The following TPR variants were observed in gnomAD, a reference collection of about 807,000 sequenced individuals.
The protein encoded by TPR is translocated promoter region, nuclear basket protein, also known as nucleoprotein TPR.
TPR carries 51 observed loss-of-function variants against 316.1 expected under a neutral mutation model. That is an observed-to-expected ratio of 0.16 (90% CI 0.13 to 0.20). The LOEUF is 0.20. TPR is among the 10% of genes least tolerant of loss of function. The pLI is 1.00. For synonymous variants in TPR, 981 were observed against 914.7 expected, an observed-to-expected ratio of 1.07 and a Z score of -1.31; for missense variants, 2,272 against 2,754.8, an observed-to-expected ratio of 0.82 and a Z score of 3.92.
chr1:186,360,534 T>C (rs1053859732), intron 10 of TPR, among the ~76,000 whole-genome samples, 170 bp from the exon 11 acceptor site: 2 of 152,036 alleles, frequency 1.3e-5, no homozygotes, highest in African/African-American at 4.8e-5. Context: ...TAAAAAATCA[T>C]GCAATAACCT....
Position 186,323,777 on chromosome 1 carries a change from C to A in TPR, c.6206G>T (p.Arg2069Leu), listed in dbSNP as rs2102054337. 2 of 1,540,832 alleles carry A rather than the reference C, an allele frequency of 1.3e-6. No individual in the cohort carries two copies. The highest frequency in any genetic ancestry group is 2.4e-5 in the Admixed American group (1 of 42,158). ...PSSASERQAP[R>L]APQSPRRPPH... ...TGGGCGTCTCGGTGACTGAGGTGCT[C>A]GAGGGGCCTGTCTTTCAGATGCTGA... is the stretch of plus-strand genomic sequence containing the variant. Residue 2069 changes from arginine (R) to leucine (L), a missense_variant, in exon 43 of 51, where the codon CGA (arginine) becomes CTA (leucine). Arg to Leu is a moderately radical substitution (Grantham distance 102). Coordinates refer to ENST00000367478, the MANE Select transcript of TPR (RefSeq NM_003292.3).
At chr1:186,337,293 G>A in intron 31 of TPR, 137 bp from the exon 32 acceptor site, 1 of 1,067,048 alleles carries the variant, frequency 9.4e-7, no homozygotes, top group Non-Finnish European at 1.3e-6. Flanking sequence ...AATTTTCTAT[G>A]AAACAACTGT....
chr1:186,333,184 A>G lies in TPR; in HGVS notation c.5393T>C (p.Val1798Ala). 2 of 1,613,546 alleles carry G rather than the reference A, an allele frequency of 1.2e-6. No individual in the cohort carries two copies. The highest frequency in any genetic ancestry group is 1.7e-6 in the Non-Finnish European group (2 of 1,179,676). Residue 1798 changes from valine (V) to alanine (A), a missense_variant, in exon 37 of 51, where the codon GTA (valine) becomes GCA (alanine). Transcript: ENST00000367478. ...PANQELSSNI[V>A]EVVQSSPVER... ...AACTGGTGAACTCTGAACAACCTCT[A>G]CTATGTTTGAAGATAACTCTTGATT... is the stretch of plus-strand genomic sequence containing the variant.
chr1:186,354,357 C>A (rs1658959731), intron 17 of TPR, among the ~76,000 whole-genome samples: 1 of 152,174 alleles, frequency 6.6e-6, no homozygotes, highest in Non-Finnish European at 1.5e-5. Flanking sequence ...CAGACACCCA[C>A]TACAATGCAG....
At chr1:186,336,824 T>C in intron 32 of TPR, 130 bp from the exon 33 acceptor site, 9 of 1,319,592 alleles carry the variant, frequency 6.8e-6, no homozygotes, top group South Asian at 1.4e-5. Flanking sequence ...AGTATAAAAA[T>C]GGTGGTCAGA....
At chr1:186,368,686 C>T (rs1659415478) in intron 3 of TPR, among the ~76,000 whole-genome samples, 2 of 152,238 alleles carry the variant, frequency 1.3e-5, no homozygotes, top group Non-Finnish European at 2.9e-5. Flanking sequence ...AAATATCTAT[C>T]TCAAGCTACC....
chr1:186,368,097 T>C (rs1659399988), intron 3 of TPR, 115 bp from the exon 4 acceptor site: 2 of 612,850 alleles, frequency 3.3e-6, no homozygotes, highest in Non-Finnish European at 5.4e-6. Flanking sequence ...GGCTTTCTCT[T>C]ATAACTTACA....
chr1:186,313,009 C>G lies in TPR; in HGVS notation c.*962G>C. Reference sequence around the variant, plus strand: ...GAATGTGAGAAGTTACACTACGGTACTTATTCTAATTGCTGTGGAAAAGAG... The same window carrying G: ...GAATGTGAGAAGTTACACTACGGTAGTTATTCTAATTGCTGTGGAAAAGAG... On this transcript the variant is annotated 3_prime_UTR_variant, in exon 51 of 51. Transcript: ENST00000367478. 8.8e-7 allele frequency: 1 copy of G among 1,134,816 alleles called. No individual in the cohort carries two copies. Among genetic ancestry groups the G allele is most frequent in the Non-Finnish European group, 1.3e-6 (1 of 758,682 alleles). The allele number at this position is 1,134,816 out of a possible 1,614,324, so 70.3% of individuals were successfully genotyped here.
Position 186,335,543 on chromosome 1 carries a change from C to G in TPR, c.4706G>C (p.Gly1569Ala), listed in dbSNP as rs571548139. The change falls in exon 34 of 51, where the codon GGT (glycine) becomes GCT (alanine). Residue 1569 changes from glycine (G) to alanine (A), a missense_variant and splice_region_variant. Physicochemically the swap from Gly to Ala is moderately conservative, Grantham distance 60 (BLOSUM62 0). Coordinates refer to ENST00000367478, the MANE Select transcript of TPR (RefSeq NM_003292.3). ...TTCTTTAGTTAGCTGATCTTTTACA[C>G]CTAAAGAAGTAACCAGGCGATTATA... ...AAKSKIAHLA[G>A]VKDQLTKENE... 5.1e-6 allele frequency: 8 copies of G among 1,581,894 alleles called. No homozygotes were observed. Among genetic ancestry groups the G allele is most frequent in the Non-Finnish European group, 6.8e-6 (8 of 1,168,602 alleles).
At chr1:186,339,186 T>C (rs1442248404) in intron 30 of TPR, among the ~76,000 whole-genome samples, 2 of 152,002 alleles carry the variant, frequency 1.3e-5, no homozygotes, top group African/African-American at 4.8e-5. Context: ...TCCCAGCACT[T>C]AGGGAGGCAG....
chr1:186,322,690 T>C, intron 43 of TPR, 104 bp from the exon 44 acceptor site: 1 of 1,147,174 alleles, frequency 8.7e-7, no homozygotes, highest in Non-Finnish European at 1.3e-6. Flanking sequence ...AACAAAATAG[T>C]TAGCAGACAG....
intron 43 of TPR, 121 bp from the exon 44 acceptor site, chr1:186,322,707 A>G (rs1657806222): frequency 1.0e-6 from 1 of 979,316 alleles, no homozygotes; most frequent in African/African-American, 1.6e-5. Flanking sequence ...ACAGGTAATT[A>G]GGACATTTTC....
chr1:186,343,278 C>T lies in TPR; in HGVS notation c.3750+48G>A, dbSNP rs370027797. 3.2e-5 allele frequency: 51 copies of T among 1,573,258 alleles called. No individual in the cohort carries two copies. In the African/African-American group the frequency reaches 5.1e-4, roughly 16 times the overall value. On this transcript the variant is annotated intron_variant, in intron 27 of 50. Coordinates refer to ENST00000367478, the MANE Select transcript of TPR (RefSeq NM_003292.3). ...TAAATGGTAGAGATATAAATGAGTG[C>T]TTCTCTTTTGATTTAACAAGTGCTT...
At chr1:186,350,193 C>A in intron 21 of TPR, 30 bp downstream of exon 21, 1 of 1,555,670 alleles carries the variant, frequency 6.4e-7, no homozygotes, top group South Asian at 1.2e-5. Context: ...TGTTTATTTA[C>A]AATTATATTG....
At chr1:186,348,701 G>A (rs1658758068) in intron 21 of TPR, among the ~76,000 whole-genome samples, 2 of 151,992 alleles carry the variant, frequency 1.3e-5, no homozygotes, top group South Asian at 4.2e-4. Flanking sequence ...TCTTTGTACT[G>A]TCTATTTCTC....
chr1:186,363,979 T>C (rs1387545468), intron 4 of TPR, among the ~76,000 whole-genome samples: 1 of 152,172 alleles, frequency 6.6e-6, no homozygotes, highest in East Asian at 1.9e-4. Flanking sequence ...CTGATACTAC[T>C]GCAGTAAGCT....
intron 3 of TPR, 102 bp downstream of exon 3, chr1:186,370,868 A>G: frequency 1.1e-6 from 1 of 945,848 alleles, no homozygotes; most frequent in Non-Finnish European, 1.6e-6. Flanking sequence ...ATAGGACATC[A>G]GTTACATCTT....
intron 37 of TPR, among the ~76,000 whole-genome samples, 191 bp downstream of exon 37, chr1:186,332,931 T>C (rs74134828): frequency 0.044 from 6,698 of 152,238 alleles, 167 homozygotes; most frequent in Non-Finnish European, 0.048. Context: ...TCATTCATTC[T>C]AATTCCTGGT....
In TPR at chr1:186,353,676, T is replaced by C; in HGVS notation, c.2334+12A>G. 6.2e-7 allele frequency: 1 copy of C among 1,611,062 alleles called. No individual in the cohort carries two copies. The highest frequency in any genetic ancestry group is 2.2e-5 in the East Asian group (1 of 44,834). ...CTTATAATGCAAGTTGGACAAGGGATATTGGACTCACTTCTGCGACAGCTA... is the reference window on the plus strand; with the variant it reads ...CTTATAATGCAAGTTGGACAAGGGACATTGGACTCACTTCTGCGACAGCTA... On this transcript the variant is annotated intron_variant, in intron 18 of 50. Coordinates refer to ENST00000367478, the MANE Select transcript of TPR (RefSeq NM_003292.3).
Sources: allele counts gnomAD v4.1 joint callset (sites outside exome capture counted in the v4.1 genomes callset), GRCh38; gene constraint gnomAD v4.1.1; transcripts MANE v1.5; gene names NCBI Gene and HGNC (gene_info 2026-07-23, HGNC 2026-07-21).